The following BRINP2 variants were observed in gnomAD, a reference collection of about 807,000 sequenced individuals.
The protein encoded by BRINP2 is BMP/retinoic acid-inducible neural-specific protein 2.
A neutral mutation model predicts 69.2 loss-of-function variants in BRINP2; 21 were observed. The observed-to-expected ratio is 0.30, with a 90% CI of 0.22 to 0.44. The LOEUF (loss-of-function observed/expected upper bound fraction) is 0.44, where lower values mean the gene tolerates loss of function less well. Among genes scored for constraint, BRINP2 ranks in the 20% least tolerant of loss-of-function variants. The pLI is 1.00. For missense variants in BRINP2, 877 were observed against 986.0 expected, an observed-to-expected ratio of 0.89 and a Z score of 1.48; for synonymous variants, 380 against 394.1, an observed-to-expected ratio of 0.96 and a Z score of 0.42.
intron 1 of BRINP2, among the ~76,000 whole-genome samples, chr1:177,205,980 T>C (rs1228664432): frequency 1.3e-5 from 2 of 152,220 alleles, no homozygotes; most frequent in African/African-American, 2.4e-5. Flanking sequence ...CAAGGCTAGG[T>C]CATGAAAGTC....
intron 4 of BRINP2, among the ~76,000 whole-genome samples, chr1:177,262,262 C>G (rs1028310056): frequency 6.6e-6 from 1 of 152,082 alleles, no homozygotes; most frequent in African/African-American, 2.4e-5. Flanking sequence ...GCCTGTAATC[C>G]TAGCACTTTT....
intron 1 of BRINP2, among the ~76,000 whole-genome samples, chr1:177,181,713 G>A (rs549032832): frequency 6.6e-6 from 1 of 152,212 alleles, no homozygotes; most frequent in African/African-American, 2.4e-5. Flanking sequence ...GGTGGCTGAC[G>A]GGTGTGCCGG....
rs1647937980 is a variant in BRINP2, at chr1:177,171,707, A to T, written c.-102A>T. ...AGGTTTGGGGAGCAGCTGATACAGC[A>T]AGGAGGGCTCTTGCAAGGATTCAAG... On this transcript the variant is annotated 5_prime_UTR_variant, in exon 1 of 8. Coordinates refer to ENST00000361539, the MANE Select transcript of BRINP2 (RefSeq NM_021165.4). The T allele has an allele frequency of 6.6e-6, 1 of 152,254 alleles. No individual in the cohort carries two copies. Among genetic ancestry groups the T allele is most frequent in the African/African-American group, 2.4e-5 (1 of 41,446 alleles). The allele number at this position is 152,254 out of a possible 1,614,324, so 9.4% of individuals were successfully genotyped here.
intron 1 of BRINP2, among the ~76,000 whole-genome samples, chr1:177,201,726 G>A (rs1003006178): frequency 6.6e-5 from 10 of 152,146 alleles, no homozygotes; most frequent in Non-Finnish European, 1.2e-4. Flanking sequence ...AAATGAGTTA[G>A]GGAGGATTCC....
At chr1:177,216,592 T>C (rs1281783166) in intron 1 of BRINP2, among the ~76,000 whole-genome samples, 1 of 152,152 alleles carries the variant, frequency 6.6e-6, no homozygotes, top group African/African-American at 2.4e-5. Flanking sequence ...TTAGGTTTTG[T>C]ACTTTCATAA....
chr1:177,218,934 T>C (rs1412279752), intron 1 of BRINP2, among the ~76,000 whole-genome samples: 5 of 152,196 alleles, frequency 3.3e-5, no homozygotes, highest in Non-Finnish European at 5.9e-5. Context: ...CACTTCAACT[T>C]GCCATTATCT....
chr1:177,251,454 A>G (rs1311106645), intron 2 of BRINP2, among the ~76,000 whole-genome samples: 1 of 152,240 alleles, frequency 6.6e-6, no homozygotes, highest in Non-Finnish European at 1.5e-5. Context: ...AAACAGTGCT[A>G]TAGAAACAGC....
chr1:177,239,214 C>A (rs1433542769), intron 2 of BRINP2, among the ~76,000 whole-genome samples: 12 of 152,172 alleles, frequency 7.9e-5, no homozygotes, highest in Non-Finnish European at 1.8e-4. Flanking sequence ...CCCTCAAAGA[C>A]CCTGTCATTC....
At chr1:177,208,206 C>T (rs547201571) in intron 1 of BRINP2, among the ~76,000 whole-genome samples, 2 of 152,280 alleles carry the variant, frequency 1.3e-5, no homozygotes, top group South Asian at 2.1e-4. Context: ...ACCCAGTCAT[C>T]GCTCAGTAAG....
intron 1 of BRINP2, among the ~76,000 whole-genome samples, chr1:177,209,214 T>TAA (rs532456082): frequency 1.4e-5 from 2 of 142,706 alleles, no homozygotes; most frequent in African/African-American, 5.2e-5. Flanking sequence ...TTAGGATATT[T>TAA]AAAAAAAAAA....
In BRINP2 at chr1:177,194,798, A is replaced by G. The variant is rs191474759; in HGVS notation, c.-77+23066A>G. ...GTATGTGTGTGTGTGTGTGCACATG[A>G]GTGTGAAGCATACTCATCAGGACCT... On this transcript the variant is annotated intron_variant, in intron 1 of 7. Transcript: ENST00000361539. Among the ~76,000 whole-genome samples the G allele has an allele frequency of 1.2e-3, 190 of 152,004 alleles. 1 individual carries two copies. The highest frequency in any genetic ancestry group is 4.1e-3 in the African/African-American group (171 of 41,462).
chr1:177,277,102 G>A lies in BRINP2; in HGVS notation c.1012+668G>A, dbSNP rs1195587573. 3.9e-5 allele frequency among the ~76,000 whole-genome samples: 6 copies of A among 151,924 alleles called. No homozygotes were observed. In the East Asian group the frequency reaches 1.2e-3, roughly 29 times the overall value. ...ACACTAAATGAATGATATTTATGTG[G>A]ATATAGTTCAAAAACATGATGTTGA... On this transcript the variant is annotated intron_variant, in intron 6 of 7. Coordinates refer to ENST00000361539, the MANE Select transcript of BRINP2 (RefSeq NM_021165.4).
intron 2 of BRINP2, among the ~76,000 whole-genome samples, chr1:177,244,494 T>G (rs1266954737): frequency 2.0e-5 from 3 of 152,120 alleles, no homozygotes; most frequent in Non-Finnish European, 4.4e-5. Context: ...GCTGGGCGTG[T>G]TGGCATGTGC....
chr1:177,230,127 C>T lies in BRINP2; in HGVS notation c.251C>T (p.Thr84Ile). 6.2e-7 allele frequency: 1 copy of T among 1,610,250 alleles called. No individual in the cohort carries two copies. Among genetic ancestry groups the T allele is most frequent in the Non-Finnish European group, 8.5e-7 (1 of 1,177,916 alleles). Reference protein sequence around the residue: ...FMERYRQGFTTRYRIYREFAR... With the variant: ...FMERYRQGFTIRYRIYREFAR... ...GAGCGGTACCGCCAGGGTTTCACCA[C>T]CAGGTACAGGATTTATAGGTAAGTG... The change falls in exon 2 of 8, where the codon ACC (threonine) becomes ATC (isoleucine). Residue 84 changes from threonine (T) to isoleucine (I), a missense_variant. Thr to Ile is a moderately conservative substitution (Grantham distance 89). Transcript: ENST00000361539.
At chr1:177,256,221 C>A in intron 3 of BRINP2, 112 bp downstream of exon 3, 1 of 1,429,834 alleles carries the variant, frequency 7.0e-7, no homozygotes, top group Non-Finnish European at 9.3e-7. Context: ...CTTTTATTGC[C>A]TGAGAAGTCT....
chr1:177,263,961 GA>G (rs1310022848), intron 4 of BRINP2, among the ~76,000 whole-genome samples: 4 of 152,146 alleles, frequency 2.6e-5, no homozygotes, highest in Admixed American at 2.6e-4. Flanking sequence ...AAACTATGCT[GA>G]GTGATCTTAT....
At chr1:177,253,519 A>G (rs1196192718) in intron 2 of BRINP2, among the ~76,000 whole-genome samples, 2 of 152,026 alleles carry the variant, frequency 1.3e-5, no homozygotes, top group Non-Finnish European at 2.9e-5. Flanking sequence ...TTCCTTTGCT[A>G]TGCAGGAGCT....
At chr1:177,264,692 C>T (rs1488759856) in intron 4 of BRINP2, among the ~76,000 whole-genome samples, 1 of 152,206 alleles carries the variant, frequency 6.6e-6, no homozygotes, top group East Asian at 1.9e-4. Context: ...CATGAGTGAA[C>T]TCCCATTCGC....
intron 2 of BRINP2, 94 bp downstream of exon 2, chr1:177,230,239 G>A: frequency 1.4e-6 from 2 of 1,379,514 alleles, no homozygotes; most frequent in Non-Finnish European, 2.0e-6. Context: ...TAAACAGGCT[G>A]GAATGCCCTC....
Sources: allele counts gnomAD v4.1 joint callset (sites outside exome capture counted in the v4.1 genomes callset), GRCh38; gene constraint gnomAD v4.1.1; transcripts MANE v1.5; gene names NCBI Gene and HGNC (gene_info 2026-07-23, HGNC 2026-07-21).